Variants in MOCOS observed in about 807,000 individuals in gnomAD.
The protein encoded by MOCOS is human molybdenum cofactor sulfurase.
Under a neutral mutation model 83.6 loss-of-function variants are expected in MOCOS, and 86 were observed. That is an observed-to-expected ratio of 1.03 (90% CI 0.86 to 1.23). The LOEUF (loss-of-function observed/expected upper bound fraction) is 1.23. MOCOS is among the 50% of genes most tolerant of loss of function. MOCOS has a pLI of 0.00. For missense variants in MOCOS, 1,120 were observed against 1,126.9 expected (o/e 0.99, Z 0.09); for synonymous variants, 445 against 434.7 (o/e 1.02, Z -0.29).
chr18:36,240,951 T>C (rs1007069305), intron 9 of MOCOS, among the ~76,000 whole-genome samples: 11 of 152,216 alleles, frequency 7.2e-5, no homozygotes, highest in Non-Finnish European at 1.5e-4. Flanking sequence ...CCCTGACCCC[T>C]TGTGCTTCCC....
rs375813993 is a variant in MOCOS, at chr18:36,195,345, T to C, written c.231T>C (p.Tyr77=). 102 of 1,613,438 alleles carry C rather than the reference T, an allele frequency of 6.3e-5. No homozygotes were observed. In the East Asian group the frequency reaches 1.7e-3, roughly 27 times the overall value. The change falls in exon 2 of 15, where the codon TAT becomes TAC. Residue 77 remains tyrosine (Y), a splice_region_variant and synonymous_variant. Transcript: ENST00000261326. ...SFTSDLMENT[Y]GNPHSQNISS... ...CTAGTGATCTCATGGAAAACACTTA[T>C]GGTAAAGAAAAACACCTGAAACAGG...
intron 13 of MOCOS, among the ~76,000 whole-genome samples, chr18:36,265,165 T>G (rs1439904809): frequency 6.6e-6 from 1 of 152,226 alleles, no homozygotes; most frequent in Non-Finnish European, 1.5e-5. Context: ...GCATCTTATC[T>G]GAACTGCTGC....
At chr18:36,256,605 A>G (rs1213501856) in intron 11 of MOCOS, among the ~76,000 whole-genome samples, 3 of 151,758 alleles carry the variant, frequency 2.0e-5, no homozygotes, top group African/African-American at 7.3e-5. Context: ...GTGTACTACC[A>G]CACCTGGCTA....
At chr18:36,242,160 A>G (rs949538575) in intron 9 of MOCOS, among the ~76,000 whole-genome samples, 1 of 152,218 alleles carries the variant, frequency 6.6e-6, no homozygotes, top group African/African-American at 2.4e-5. Flanking sequence ...TGAATTTTCC[A>G]AACTCTTATG....
chr18:36,210,158 T>C (rs1223332057), intron 6 of MOCOS, among the ~76,000 whole-genome samples: 2 of 152,224 alleles, frequency 1.3e-5, no homozygotes, highest in African/African-American at 4.8e-5. Context: ...CCTTATAGAA[T>C]GAGTTAGGGA....
chr18:36,216,777 C>T (rs2091477288), intron 8 of MOCOS, among the ~76,000 whole-genome samples: 1 of 152,146 alleles, frequency 6.6e-6, no homozygotes, highest in Admixed American at 6.5e-5. Context: ...GTACCGCCTA[C>T]TTATTGATGA....
rs768353205 is a variant in MOCOS, at chr18:36,215,816, T to C, written c.1636T>C (p.Ser546Pro). 8 of 1,614,186 alleles carry C rather than the reference T, an allele frequency of 5.0e-6. No homozygotes were observed. In the South Asian group the frequency reaches 8.8e-5, roughly 18 times the overall value. ...LTGSRVWNNS[S>P]TVNAVPVAPP... ...AGGCTCCAGGGTTTGGAACAACTCG[T>C]CTACTGTGAATGCTGTGCCTGTGGC... is the stretch of plus-strand genomic sequence containing the variant. Residue 546 changes from serine (S) to proline (P), a missense_variant, in exon 8 of 15, where the codon TCT becomes CCT. By Grantham distance (74) the Ser-to-Pro change is moderately conservative. Transcript: ENST00000261326.
At chr18:36,223,409 G>C (rs1431546800) in intron 9 of MOCOS, among the ~76,000 whole-genome samples, 5 of 152,102 alleles carry the variant, frequency 3.3e-5, no homozygotes, top group African/African-American at 1.2e-4. Context: ...TATATGCATG[G>C]ATTTATATCT....
chr18:36,218,681 C>CT (rs1193500884), intron 8 of MOCOS, among the ~76,000 whole-genome samples: 2 of 149,780 alleles, frequency 1.3e-5, no homozygotes, highest in Non-Finnish European at 3.0e-5. Flanking sequence ...TGCCTGGCTA[C>CT]TTTTTAATTT....
intron 1 of MOCOS, among the ~76,000 whole-genome samples, chr18:36,188,224 T>A (rs1255230036): frequency 6.6e-6 from 1 of 152,214 alleles, no homozygotes; most frequent in Non-Finnish European, 1.5e-5. Flanking sequence ...CAGCTTTGAT[T>A]TTCGAAACCT....
At chr18:36,248,444 C>T (rs1029168578) in intron 9 of MOCOS, among the ~76,000 whole-genome samples, 2 of 152,092 alleles carry the variant, frequency 1.3e-5, no homozygotes, top group African/African-American at 4.8e-5. Flanking sequence ...TTTTAGTTTG[C>T]TATAATTCTG....
At chr18:36,265,951 G>A (rs983187574) in intron 13 of MOCOS, among the ~76,000 whole-genome samples, 2 of 152,096 alleles carry the variant, frequency 1.3e-5, no homozygotes, top group Admixed American at 6.6e-5. Flanking sequence ...ACTATATGAC[G>A]TTAATGATGT....
At position 36,203,106 on chromosome 18, in the gene MOCOS, G is replaced by T; in HGVS notation, c.942-7G>T. ...CTTGACCTGTTCTCCTTACCCCGTG[G>T]TTATAGGTTTGAAGATGGCACCATC... On this transcript the variant is annotated splice_region_variant and splice_polypyrimidine_tract_variant and intron_variant, in intron 4 of 14. Coordinates refer to ENST00000261326, the MANE Select transcript of MOCOS (RefSeq NM_017947.4). 6.2e-7 allele frequency: 1 copy of T among 1,613,920 alleles called. No individual in the cohort carries two copies. Among genetic ancestry groups the T allele is most frequent in the Non-Finnish European group, 8.5e-7 (1 of 1,179,772 alleles).
At chr18:36,219,947 AGGT>A (rs1482753261) in intron 8 of MOCOS, 105 bp from the exon 9 acceptor site, 6 of 1,337,582 alleles carry the variant, frequency 4.5e-6, no homozygotes, top group Non-Finnish European at 6.4e-6. Flanking sequence ...CTTCCAGTGT[AGGT>A]GCTGAATTCA....
At chr18:36,217,670 C>T (rs373637721) in intron 8 of MOCOS, among the ~76,000 whole-genome samples, 27 of 152,184 alleles carry the variant, frequency 1.8e-4, no homozygotes, top group African/African-American at 4.6e-4. Context: ...CCAGCAGAGA[C>T]GAAATTGGAC....
chr18:36,204,193 A>G (rs2091425702), intron 5 of MOCOS, among the ~76,000 whole-genome samples: 1 of 152,158 alleles, frequency 6.6e-6, no homozygotes, highest in Non-Finnish European at 1.5e-5. Flanking sequence ...ACTTTACCAT[A>G]CCAAACAGAA....
chr18:36,260,093 G>A lies in MOCOS; in HGVS notation c.2327G>A (p.Arg776His), dbSNP rs776357546. 7.5e-5 allele frequency: 121 copies of A among 1,614,036 alleles called. No homozygotes were observed. The highest frequency in any genetic ancestry group is 6.2e-4 in the Admixed American group (37 of 59,994). The change falls in exon 13 of 15, where the codon CGT becomes CAT. Residue 776 changes from arginine (R) to histidine (H), a missense_variant. By Grantham distance (29) the Arg-to-His change is conservative. Transcript: ENST00000261326. Reference protein sequence around the residue: ...FSLKDLSLRFRANIIINGKRA... With the variant: ...FSLKDLSLRFHANIIINGKRA... Reference sequence around the variant, plus strand: ...CTGAAGGATCTCAGCTTGCGTTTTCGTGCCAATATTATTATCAATGGAAAA... The same window carrying A: ...CTGAAGGATCTCAGCTTGCGTTTTCATGCCAATATTATTATCAATGGAAAA...
At chr18:36,231,744 G>A (rs1217734806) in intron 9 of MOCOS, among the ~76,000 whole-genome samples, 1 of 152,206 alleles carries the variant, frequency 6.6e-6, no homozygotes, top group African/African-American at 2.4e-5. Context: ...CGATGTGGAT[G>A]ATCCAGAAGT....
chr18:36,227,764 G>A (rs1310727449), intron 9 of MOCOS, among the ~76,000 whole-genome samples: 1 of 152,100 alleles, frequency 6.6e-6, no homozygotes, highest in Non-Finnish European at 1.5e-5. Context: ...TACCATTCAG[G>A]ACATAAGTAA....
Sources: gnomAD v4.1 joint callset for allele counts (sites outside exome capture counted in the v4.1 genomes callset) on GRCh38, gnomAD v4.1.1 for gene constraint, MANE v1.5 for transcripts, NCBI Gene and HGNC (gene_info 2026-07-23, HGNC 2026-07-21) for gene names.